ADCY8: variants seen among roughly 807,000 people sequenced by gnomAD.
The protein encoded by ADCY8 is adenylate cyclase 8.
A neutral mutation model predicts 119.7 loss-of-function variants in ADCY8; 51 were observed. That is an observed-to-expected ratio of 0.43 (90% CI 0.34 to 0.54). The LOEUF is 0.54. ADCY8 is among the 20% of genes least tolerant of loss of function. The pLI, the probability that ADCY8 is intolerant of heterozygous loss-of-function variation, is 0.03. For missense variants in ADCY8, 1,383 were observed against 1,598.8 expected (o/e 0.87, Z 2.30); for synonymous variants, 665 against 651.0 (o/e 1.02, Z -0.33).
At chr8:130,869,595 G>C (rs1818261877) in intron 8 of ADCY8, among the ~76,000 whole-genome samples, 1 of 147,096 alleles carries the variant, frequency 6.8e-6, no homozygotes, top group Non-Finnish European at 1.5e-5. Flanking sequence ...TCGGTTCACT[G>C]CAAGCTCTGC....
At chr8:131,032,372 T>C (rs1824022752) in intron 1 of ADCY8, among the ~76,000 whole-genome samples, 1 of 152,182 alleles carries the variant, frequency 6.6e-6, no homozygotes, top group Non-Finnish European at 1.5e-5. Flanking sequence ...AAGTACAAAG[T>C]ATTTCATATA....
chr8:130,791,576 A>C (rs1401290231), intron 15 of ADCY8, among the ~76,000 whole-genome samples: 1 of 152,254 alleles, frequency 6.6e-6, no homozygotes, highest in Non-Finnish European at 1.5e-5. Flanking sequence ...AAAGTACCTG[A>C]GACTTGGTGA....
intron 15 of ADCY8, among the ~76,000 whole-genome samples, chr8:130,796,199 C>T (rs1247472834): frequency 6.6e-6 from 1 of 152,196 alleles, no homozygotes; most frequent in African/African-American, 2.4e-5. Flanking sequence ...CTCTGGTAAG[C>T]CTCCCCCTCA....
At chr8:131,030,729 G>C (rs1459770176) in intron 1 of ADCY8, among the ~76,000 whole-genome samples, 1 of 152,120 alleles carries the variant, frequency 6.6e-6, no homozygotes, top group African/African-American at 2.4e-5. Flanking sequence ...AAATATTTGG[G>C]GGAAAAGTTT....
chr8:130,935,012 A>G (rs1483074729), intron 5 of ADCY8, among the ~76,000 whole-genome samples: 2 of 152,162 alleles, frequency 1.3e-5, no homozygotes, highest in African/African-American at 4.8e-5. Flanking sequence ...TTTTCTTTCC[A>G]TAGGATCAAT....
chr8:130,782,527 A>G (rs930529124), intron 17 of ADCY8, among the ~76,000 whole-genome samples: 2 of 152,222 alleles, frequency 1.3e-5, no homozygotes, highest in Non-Finnish European at 2.9e-5. Context: ...AAACTATACT[A>G]CGAGTGTAAT....
intron 13 of ADCY8, among the ~76,000 whole-genome samples, chr8:130,817,764 A>G (rs1816391134): frequency 6.6e-6 from 1 of 152,226 alleles, no homozygotes; most frequent in African/African-American, 2.4e-5. Context: ...AAACAAACTT[A>G]TAGGGAAAAA....
chr8:130,972,641 G>A (rs1374917167), intron 2 of ADCY8, among the ~76,000 whole-genome samples: 1 of 152,116 alleles, frequency 6.6e-6, no homozygotes, highest in African/African-American at 2.4e-5. Flanking sequence ...CTTAGGGCCA[G>A]CTTATATTTA....
chr8:130,982,284 T>C (rs1822263549), intron 2 of ADCY8, among the ~76,000 whole-genome samples: 1 of 152,114 alleles, frequency 6.6e-6, no homozygotes, highest in African/African-American at 2.4e-5. Flanking sequence ...AACCCTGATA[T>C]AAAACAGAAT....
At chr8:130,783,920 G>T in intron 16 of ADCY8, 115 bp from the exon 17 acceptor site, 1 of 704,216 alleles carries the variant, frequency 1.4e-6, no homozygotes. Flanking sequence ...TCCCTTTAAG[G>T]AAATAATCAT....
intron 11 of ADCY8, among the ~76,000 whole-genome samples, chr8:130,840,582 T>C (rs1321120698): frequency 6.6e-6 from 1 of 152,174 alleles, no homozygotes; most frequent in Non-Finnish European, 1.5e-5. Context: ...ATTATATATA[T>C]ACTATGATTA....
Position 131,009,287 on chromosome 8 carries a change from C to G in ADCY8, c.961-18745G>C, listed in dbSNP as rs1823225194. Among the ~76,000 whole-genome samples the G allele has an allele frequency of 2.0e-5, 3 of 152,188 alleles. No individual in the cohort carries two copies. In the South Asian group the frequency reaches 6.2e-4, roughly 32 times the overall value. ...GCCCCCCTGCTGCTCTGTGCAGCCT[C>G]AGGACTTGGCGCTCTGAGCCCCAGT... is the stretch of plus-strand genomic sequence containing the variant. On this transcript the variant is annotated intron_variant, in intron 1 of 17. Coordinates refer to ENST00000286355, the MANE Select transcript of ADCY8 (RefSeq NM_001115.3).
intron 5 of ADCY8, among the ~76,000 whole-genome samples, chr8:130,912,275 T>C (rs1230177247): frequency 6.6e-6 from 1 of 152,220 alleles, no homozygotes; most frequent in Non-Finnish European, 1.5e-5. Context: ...AACTACTCTG[T>C]ATGTTCCCCT....
chr8:130,808,600 C>A (rs1306415904), intron 14 of ADCY8, among the ~76,000 whole-genome samples: 1 of 152,122 alleles, frequency 6.6e-6, no homozygotes, highest in Non-Finnish European at 1.5e-5. Flanking sequence ...AAGGAGGAAC[C>A]AGAACTAAAC....
intron 15 of ADCY8, among the ~76,000 whole-genome samples, chr8:130,795,183 G>A (rs1030239940): frequency 2.6e-5 from 4 of 152,218 alleles, no homozygotes; most frequent in Non-Finnish European, 4.4e-5. Flanking sequence ...CTCTGCCTCC[G>A]TCGATCATCT....
chr8:130,931,111 A>T (rs1356348478), intron 5 of ADCY8, among the ~76,000 whole-genome samples: 3 of 152,174 alleles, frequency 2.0e-5, no homozygotes, highest in Middle Eastern at 6.3e-3. Flanking sequence ...AGCGTTTCTT[A>T]TAAGACAAGT....
At chr8:130,791,533 G>T (rs1312845475) in intron 15 of ADCY8, among the ~76,000 whole-genome samples, 2 of 152,250 alleles carry the variant, frequency 1.3e-5, no homozygotes, top group Non-Finnish European at 2.9e-5. Flanking sequence ...ATGCCCAGGG[G>T]CTGTGGCATA....
chr8:130,832,181 T>C (rs1022055802), intron 12 of ADCY8, among the ~76,000 whole-genome samples: 2 of 152,198 alleles, frequency 1.3e-5, no homozygotes, highest in Non-Finnish European at 2.9e-5. Flanking sequence ...GATGGGTCTC[T>C]AGTGACTGCT....
chr8:130,990,741 C>T, intron 1 of ADCY8, 199 bp from the exon 2 acceptor site: 1 of 552,390 alleles, frequency 1.8e-6, no homozygotes, highest in South Asian at 3.4e-5. Flanking sequence ...TCTTTCACCA[C>T]TTTCTCCAAT....
Sources: gnomAD v4.1 joint callset for allele counts (sites outside exome capture counted in the v4.1 genomes callset) on GRCh38, gnomAD v4.1.1 for gene constraint, MANE v1.5 for transcripts, NCBI Gene and HGNC (gene_info 2026-07-23, HGNC 2026-07-21) for gene names.